GNG7: variants seen among roughly 807,000 people sequenced by gnomAD.
The protein encoded by GNG7 is guanine nucleotide-binding protein G(I)/G(S)/G(O) subunit gamma-7.
A neutral mutation model predicts 4.0 loss-of-function variants in GNG7; 1 was observed. The ratio of observed to expected loss-of-function variants is 0.25; its 90% confidence interval spans 0.09 to 1.18. The LOEUF is 1.18. Ranked by LOEUF, GNG7 falls within the 50% of genes most tolerant of loss-of-function variation. GNG7 has a pLI of 0.50. For synonymous variants in GNG7, 34 were observed against 36.9 expected (o/e 0.92, Z 0.29); for missense variants, 86 against 91.9 (o/e 0.94, Z 0.26).
chr19:2,668,234 A>G (rs1346783188), intron 1 of GNG7, among the ~76,000 whole-genome samples: 1 of 146,062 alleles, frequency 6.8e-6, no homozygotes, highest in Non-Finnish European at 1.5e-5. Context: ...AAAAAAAAAG[A>G]GACAGAGAGA....
chr19:2,690,226 A>G (rs1281464566), intron 1 of GNG7, among the ~76,000 whole-genome samples: 1 of 151,978 alleles, frequency 6.6e-6, no homozygotes, highest in Non-Finnish European at 1.5e-5. Flanking sequence ...TACTAAAAAT[A>G]CAAAAATTAG....
intron 1 of GNG7, among the ~76,000 whole-genome samples, chr19:2,688,630 C>G (rs77330598): frequency 6.6e-6 from 1 of 152,296 alleles, no homozygotes; most frequent in East Asian, 1.9e-4. Context: ...TAACGAACAT[C>G]TAAGACATGG....
At chr19:2,599,338 C>A (rs915038447) in intron 2 of GNG7, among the ~76,000 whole-genome samples, 2 of 152,104 alleles carry the variant, frequency 1.3e-5, no homozygotes, top group African/African-American at 4.8e-5. Context: ...AGGGCCCACC[C>A]CTTCCTCCTC....
intron 2 of GNG7, among the ~76,000 whole-genome samples, chr19:2,644,965 T>C (rs1038711722): frequency 6.6e-6 from 1 of 152,186 alleles, no homozygotes. Flanking sequence ...CTCATGACCA[T>C]TGACTACTAA....
At chr19:2,587,258 C>T (rs533183224) in intron 2 of GNG7, among the ~76,000 whole-genome samples, 1 of 152,186 alleles carries the variant, frequency 6.6e-6, no homozygotes, top group East Asian at 1.9e-4. Flanking sequence ...AGGGTCTCTG[C>T]CTGGACCGAA....
At chr19:2,553,387 TATATATATAC>T (rs1432277887) in intron 3 of GNG7, among the ~76,000 whole-genome samples, 2 of 137,582 alleles carry the variant, frequency 1.5e-5, no homozygotes, top group African/African-American at 2.8e-5. Flanking sequence ...GCTGAGCATA[TATATATATAC>T]ATATATATAT....
intron 2 of GNG7, among the ~76,000 whole-genome samples, chr19:2,555,938 A>T (rs1979529495): frequency 6.6e-6 from 1 of 151,942 alleles, no homozygotes; most frequent in African/African-American, 2.4e-5. Context: ...TCCAATGCAC[A>T]GTGCACGGAT....
intron 1 of GNG7, among the ~76,000 whole-genome samples, chr19:2,677,867 C>T (rs1164783604): frequency 6.6e-6 from 1 of 152,164 alleles, no homozygotes; most frequent in Non-Finnish European, 1.5e-5. Context: ...CCTACAGTGC[C>T]CAGGATGGCC....
At chr19:2,685,787 C>T (rs1465787105) in intron 1 of GNG7, among the ~76,000 whole-genome samples, 4 of 152,112 alleles carry the variant, frequency 2.6e-5, no homozygotes, top group African/African-American at 7.2e-5. Context: ...CCTCCCGAGA[C>T]GAGGGCCTGG....
chr19:2,548,006 C>A (rs1979183661), intron 3 of GNG7, among the ~76,000 whole-genome samples: 1 of 152,112 alleles, frequency 6.6e-6, no homozygotes, highest in Non-Finnish European at 1.5e-5. Flanking sequence ...CCCGTGGGCT[C>A]CAGGTCACAT....
intron 3 of GNG7, among the ~76,000 whole-genome samples, chr19:2,532,384 A>C (rs56192892): frequency 0.098 from 14,876 of 152,264 alleles, 780 homozygotes; most frequent in Middle Eastern, 0.16. Flanking sequence ...GAAGAAATAA[A>C]AATTAGTGAA....
At chr19:2,537,155 T>C (rs1276192009) in intron 3 of GNG7, among the ~76,000 whole-genome samples, 1 of 151,284 alleles carries the variant, frequency 6.6e-6, no homozygotes, top group Non-Finnish European at 1.5e-5. Context: ...TTCACCGTGT[T>C]AGCCAGGATG....
intron 2 of GNG7, among the ~76,000 whole-genome samples, chr19:2,640,999 G>C (rs1048007071): frequency 6.6e-6 from 1 of 152,164 alleles, no homozygotes; most frequent in Non-Finnish European, 1.5e-5. Flanking sequence ...AAAATGACCT[G>C]CTTGAGAAAC....
chr19:2,551,847 CTAAT>C (rs1197664205), intron 3 of GNG7, among the ~76,000 whole-genome samples: 1 of 151,986 alleles, frequency 6.6e-6, no homozygotes, highest in African/African-American at 2.4e-5. Context: ...CCACGCCCGG[CTAAT>C]TTTTTTTATT....
intron 3 of GNG7, among the ~76,000 whole-genome samples, chr19:2,553,393 TATAC>T (rs770759787): frequency 0.041 from 5,614 of 138,156 alleles, 175 homozygotes; most frequent in African/African-American, 0.074. Context: ...CATATATATA[TATAC>T]ATATATATAT....
At position 2,614,572 on chromosome 19, in the gene GNG7, C is replaced by A. The variant is rs913092237; in HGVS notation, c.-78+31652G>T. On this transcript the variant is annotated intron_variant, in intron 2 of 4. Transcript: ENST00000382159. This position sits in a 1 kb window ranked among gnomAD's most constrained non-coding sequence, Gnocchi z 6.0. ...GGCCTTTTGGATCTGGCATCTCTCA[C>A]TGAGTGTGACATCCTCAAGGGGCAT... is the stretch of plus-strand genomic sequence containing the variant. Among the ~76,000 whole-genome samples the A allele has an allele frequency of 3.9e-4, 60 of 152,168 alleles. No homozygotes were observed. Among genetic ancestry groups the A allele is most frequent in the African/African-American group, 1.4e-3 (57 of 41,438 alleles).
At chr19:2,696,843 T>C (rs1049254465) in intron 1 of GNG7, among the ~76,000 whole-genome samples, 49 of 152,080 alleles carry the variant, frequency 3.2e-4, no homozygotes, top group African/African-American at 1.1e-3. Context: ...ACAAAAGATT[T>C]TACTAGGTGA....
At chr19:2,536,897 T>C (rs1255311649) in intron 3 of GNG7, among the ~76,000 whole-genome samples, 1 of 152,052 alleles carries the variant, frequency 6.6e-6, no homozygotes, top group Non-Finnish European at 1.5e-5. Flanking sequence ...TATGTGTATA[T>C]TTTATTATAC....
At chr19:2,528,636 T>C (rs2144735455) in intron 3 of GNG7, among the ~76,000 whole-genome samples, 1 of 152,150 alleles carries the variant, frequency 6.6e-6, no homozygotes, top group African/African-American at 2.4e-5. Context: ...CCCGTTGCAT[T>C]TGAAGGGAGT....
Sources: gnomAD v4.1 joint callset for allele counts (sites outside exome capture counted in the v4.1 genomes callset) on GRCh38, gnomAD v4.1.1 for gene constraint, Gnocchi (gnomAD v3.1) non-coding constraint, MANE v1.5 for transcripts, NCBI Gene and HGNC (gene_info 2026-07-23, HGNC 2026-07-21) for gene names.